The following C7orf78 variants were observed in gnomAD, a reference collection of about 807,000 sequenced individuals.
C7orf78 encodes the protein chromosome 7 open reading frame 78.
chr7:12,525,172 CTTG>C, the C7orf78 span, among the ~76,000 whole-genome samples: 7 of 151,940 alleles, frequency 4.6e-5, no homozygotes, highest in African/African-American at 1.7e-4. Context: ...TTAATTTCTG[CTTG>C]GTACCCTCAC....
At chr7:12,514,344 G>C in the C7orf78 span, among the ~76,000 whole-genome samples, 1 of 151,288 alleles carries the variant, frequency 6.6e-6, no homozygotes, top group South Asian at 2.1e-4. Flanking sequence ...AACTTAGTCT[G>C]TTTTATCTGA....
At chr7:12,507,459 C>G in the C7orf78 span, 117 of 205,082 alleles carry the variant, frequency 5.7e-4, 1 homozygote, top group African/African-American at 2.6e-3. Context: ...GGAAATATCT[C>G]TGATGGATTC....
At chr7:12,511,258 C>A in the C7orf78 span, among the ~76,000 whole-genome samples, 2 of 151,950 alleles carry the variant, frequency 1.3e-5, no homozygotes, top group Non-Finnish European at 2.9e-5. Context: ...AATTTTTATA[C>A]CAATACCATG....
chr7:12,527,119 T>A, the C7orf78 span, among the ~76,000 whole-genome samples: 1 of 149,350 alleles, frequency 6.7e-6, no homozygotes, highest in Admixed American at 6.6e-5. Context: ...ATATGCTATG[T>A]GTCACTCACT....
chr7:12,525,700 CAAAA>C, the C7orf78 span: 2 of 384,400 alleles, frequency 5.2e-6, no homozygotes, highest in Non-Finnish European at 9.2e-6. Context: ...AATGCCACAA[CAAAA>C]TCATCAAAAT....
chr7:12,513,887 C>T, the C7orf78 span, among the ~76,000 whole-genome samples: 4 of 152,032 alleles, frequency 2.6e-5, no homozygotes, highest in Non-Finnish European at 5.9e-5. Context: ...GTAGTCCCAG[C>T]TACTAGGGAG....
At chr7:12,500,451 C>G in the C7orf78 span, among the ~76,000 whole-genome samples, 1 of 150,280 alleles carries the variant, frequency 6.7e-6, no homozygotes, top group Non-Finnish European at 1.5e-5. Context: ...ACTACAAACA[C>G]CTCTACGCAA....
chr7:12,515,002 G>C, the C7orf78 span, among the ~76,000 whole-genome samples: 1 of 152,126 alleles, frequency 6.6e-6, no homozygotes, highest in Non-Finnish European at 1.5e-5. Context: ...GTCTGATGGA[G>C]GTAACTTTAT....
chr7:12,524,663 T>G, the C7orf78 span, among the ~76,000 whole-genome samples: 3 of 152,036 alleles, frequency 2.0e-5, no homozygotes, highest in South Asian at 2.1e-4. Flanking sequence ...ACCAACATGG[T>G]GAAACCCCGT....
chr7:12,494,680 G>A, the C7orf78 span, among the ~76,000 whole-genome samples: 1 of 152,140 alleles, frequency 6.6e-6, no homozygotes, highest in South Asian at 2.1e-4. Context: ...CTGATCATCT[G>A]TTTAGAAATA....
the C7orf78 span, chr7:12,541,359 C>A: frequency 6.6e-6 from 1 of 152,104 alleles, no homozygotes; most frequent in African/African-American, 2.4e-5. Context: ...AATAAGAATT[C>A]TCTGGATATA....
chr7:12,486,367 A>G, the C7orf78 span, among the ~76,000 whole-genome samples: 2 of 151,880 alleles, frequency 1.3e-5, no homozygotes, highest in East Asian at 3.9e-4. Context: ...TCCACACACT[A>G]TTCATTCAAC....
chr7:12,512,211 C>A, the C7orf78 span, among the ~76,000 whole-genome samples: 30 of 152,160 alleles, frequency 2.0e-4, no homozygotes, highest in African/African-American at 7.0e-4. Context: ...CTGGCTAAGA[C>A]TTCCAGTATT....
the C7orf78 span, among the ~76,000 whole-genome samples, chr7:12,507,717 A>T: frequency 0.16 from 24,286 of 152,158 alleles, 2,352 homozygotes; most frequent in South Asian, 0.24. Context: ...GGCAAAATCC[A>T]TTTGGAAAAT....
At chr7:12,526,173 G>A in the C7orf78 span, among the ~76,000 whole-genome samples, 1 of 151,956 alleles carries the variant, frequency 6.6e-6, no homozygotes. Context: ...ATAAACTCTG[G>A]AGCCCAGCTG....
the C7orf78 span, among the ~76,000 whole-genome samples, chr7:12,538,695 TG>T: frequency 6.6e-6 from 1 of 152,168 alleles, no homozygotes; most frequent in South Asian, 2.1e-4. Context: ...ACAAGATGGC[TG>T]GAGCTCATCA....
At chr7:12,512,971 A>G in the C7orf78 span, among the ~76,000 whole-genome samples, 1 of 152,058 alleles carries the variant, frequency 6.6e-6, no homozygotes, top group East Asian at 1.9e-4. Flanking sequence ...AGTTGTTAAT[A>G]ATAGTCTCTG....
chr7:12,494,334 C>A, the C7orf78 span, among the ~76,000 whole-genome samples: 1 of 152,084 alleles, frequency 6.6e-6, no homozygotes, highest in East Asian at 1.9e-4. Context: ...AAATATGGAA[C>A]AAGATAATTC....
the C7orf78 span, among the ~76,000 whole-genome samples, chr7:12,502,375 C>G: frequency 2.7e-5 from 4 of 149,526 alleles, no homozygotes; most frequent in African/African-American, 9.9e-5. Flanking sequence ...TGAACTCAAA[C>G]AAATTTACAA....
Sources: gnomAD v4.1 joint callset for allele counts (sites outside exome capture counted in the v4.1 genomes callset) on GRCh38, gnomAD v4.1.1 for gene constraint, MANE v1.5 for transcripts, NCBI Gene and HGNC (gene_info 2026-07-23, HGNC 2026-07-21) for gene names.